The following DCC variants were observed in gnomAD, a reference collection of about 807,000 sequenced individuals.
DCC encodes DCC netrin 1 receptor.
Under a neutral mutation model 172.5 loss-of-function variants are expected in DCC, and 58 were observed. The ratio of observed to expected loss-of-function variants is 0.34; its 90% CI spans 0.27 to 0.42. DCC has a LOEUF of 0.42. Ranked by LOEUF, DCC falls within the 10% of genes least tolerant of loss-of-function variation. The probability of loss-of-function intolerance (pLI) is 1.00; values close to 1 mark genes in which losing one functional copy is unlikely to be tolerated. For synonymous variants in DCC, 709 were observed against 644.5 expected, an observed-to-expected ratio of 1.10 and a Z score of -1.52; for missense variants, 1,740 against 1,791.0, an observed-to-expected ratio of 0.97 and a Z score of 0.51.
chr18:53,498,735 T>A (rs1376640525), intron 26 of DCC, among the ~76,000 whole-genome samples: 1 of 152,140 alleles, frequency 6.6e-6, no homozygotes, highest in Non-Finnish European at 1.5e-5. Context: ...TCTGGCAGAG[T>A]CATCTCTCAT....
chr18:53,173,732 A>G (rs975992135), intron 8 of DCC, among the ~76,000 whole-genome samples: 2 of 148,582 alleles, frequency 1.3e-5, no homozygotes, highest in African/African-American at 5.0e-5. Flanking sequence ...TAATAATGGG[A>G]GACTTTAACA....
At chr18:52,619,681 G>C (rs1361432746) in intron 1 of DCC, among the ~76,000 whole-genome samples, 2 of 152,050 alleles carry the variant, frequency 1.3e-5, no homozygotes, top group Non-Finnish European at 2.9e-5. Context: ...TCCTTATTAT[G>C]TGTAAAATGA....
At chr18:53,163,287 A>G (rs1369904539) in intron 8 of DCC, among the ~76,000 whole-genome samples, 1 of 152,240 alleles carries the variant, frequency 6.6e-6, no homozygotes, top group Admixed American at 6.5e-5. Flanking sequence ...AGTAAAATAA[A>G]TTGTGTTACT....
chr18:52,367,144 C>T (rs549138450), intron 1 of DCC, among the ~76,000 whole-genome samples: 3 of 152,362 alleles, frequency 2.0e-5, no homozygotes, highest in South Asian at 4.1e-4. Context: ...GCCACTGGCC[C>T]GTGTGCTAAG....
chr18:52,554,868 A>T (rs1227094161), intron 1 of DCC, among the ~76,000 whole-genome samples: 1 of 152,114 alleles, frequency 6.6e-6, no homozygotes, highest in African/African-American at 2.4e-5. Context: ...TTCTGCTCTT[A>T]AATATATGAA....
At chr18:53,378,192 C>A (rs62098048) in intron 15 of DCC, among the ~76,000 whole-genome samples, 4 of 151,916 alleles carry the variant, frequency 2.6e-5, no homozygotes, top group Non-Finnish European at 4.4e-5. Flanking sequence ...AACTCCTGGC[C>A]TCAGGTTATC....
At chr18:52,800,820 C>T (rs966016650) in intron 2 of DCC, among the ~76,000 whole-genome samples, 1 of 152,132 alleles carries the variant, frequency 6.6e-6, no homozygotes, top group Non-Finnish European at 1.5e-5. Context: ...AGCAAACTAC[C>T]TTAGACGCTG....
At chr18:52,682,618 T>A (rs201720422) in intron 1 of DCC, among the ~76,000 whole-genome samples, 1 of 152,110 alleles carries the variant, frequency 6.6e-6, no homozygotes, top group East Asian at 1.9e-4. Context: ...GAGGTGCTAT[T>A]CTGGGATAAA....
intron 5 of DCC, among the ~76,000 whole-genome samples, chr18:53,062,896 C>T (rs1381621040): frequency 6.6e-6 from 1 of 152,116 alleles, no homozygotes; most frequent in Non-Finnish European, 1.5e-5. Flanking sequence ...GACAACTGAG[C>T]TTTCTTATCT....
chr18:53,207,419 C>A (rs977438262), intron 10 of DCC, among the ~76,000 whole-genome samples: 1 of 152,126 alleles, frequency 6.6e-6, no homozygotes. Context: ...TAACCCAAAC[C>A]ATTCAGTACA....
intron 2 of DCC, among the ~76,000 whole-genome samples, chr18:52,777,968 C>G (rs759453819): frequency 1.3e-4 from 19 of 151,814 alleles, no homozygotes; most frequent in Non-Finnish European, 2.5e-4. Flanking sequence ...ATTATCTAAT[C>G]TTGATAGAAG....
intron 2 of DCC, among the ~76,000 whole-genome samples, chr18:52,845,651 A>G (rs1412969661): frequency 6.6e-6 from 1 of 152,208 alleles, no homozygotes; most frequent in Non-Finnish European, 1.5e-5. Context: ...CTCCTCCATC[A>G]TAGGGCATAG....
chr18:52,871,645 G>A (rs1568159608), intron 2 of DCC, among the ~76,000 whole-genome samples: 1 of 152,052 alleles, frequency 6.6e-6, no homozygotes, highest in African/African-American at 2.4e-5. Flanking sequence ...TGTAGAAACA[G>A]GGTCTTGTCA....
chr18:53,337,583 C>A (rs2057606049), intron 14 of DCC, among the ~76,000 whole-genome samples: 1 of 152,164 alleles, frequency 6.6e-6, no homozygotes, highest in South Asian at 2.1e-4. Context: ...CATATTATAT[C>A]ATAGGCTTTT....
intron 5 of DCC, among the ~76,000 whole-genome samples, chr18:52,999,842 A>T (rs532630127): frequency 1.3e-5 from 2 of 152,190 alleles, no homozygotes; most frequent in South Asian, 4.1e-4. Context: ...CTGTGACCTT[A>T]GTTGAAAATA....
chr18:52,957,095 A>T (rs1483789964), intron 5 of DCC, among the ~76,000 whole-genome samples: 1 of 152,182 alleles, frequency 6.6e-6, no homozygotes, highest in Non-Finnish European at 1.5e-5. Context: ...TAGAAAGAAC[A>T]ATCAAATGGT....
chr18:52,579,658 C>A (rs1051031566), intron 1 of DCC, among the ~76,000 whole-genome samples: 1 of 152,194 alleles, frequency 6.6e-6, no homozygotes, highest in African/African-American at 2.4e-5. Flanking sequence ...ATAGTTTGAA[C>A]TTGAATCTTC....
At chr18:52,861,656 A>G (rs2039144226) in intron 2 of DCC, among the ~76,000 whole-genome samples, 1 of 142,230 alleles carries the variant, frequency 7.0e-6, no homozygotes, top group Non-Finnish European at 1.6e-5. Context: ...ATTCCAAACA[A>G]AAATCATTTA....
intron 12 of DCC, among the ~76,000 whole-genome samples, chr18:53,239,018 G>C (rs1027654942): frequency 4.1e-5 from 6 of 147,350 alleles, no homozygotes; most frequent in Non-Finnish European, 9.0e-5. Context: ...CACAGGAAGG[G>C]GGACATCACA....
Sources: allele counts gnomAD v4.1 joint callset (sites outside exome capture counted in the v4.1 genomes callset), GRCh38; gene constraint gnomAD v4.1.1; transcripts MANE v1.5; gene names NCBI Gene and HGNC (gene_info 2026-07-23, HGNC 2026-07-21).